PCDHGB1: variants seen among roughly 807,000 people sequenced by gnomAD.
PCDHGB1 encodes the protein protocadherin gamma-B1.
Under a neutral mutation model 56.6 loss-of-function variants are expected in PCDHGB1, and 34 were observed. The ratio of observed to expected loss-of-function variants is 0.60; its 90% confidence interval spans 0.46 to 0.80. PCDHGB1 has a LOEUF of 0.80. Ranked by LOEUF, PCDHGB1 falls within the 30% of genes least tolerant of loss-of-function variation. The probability of loss-of-function intolerance (pLI) is 0.00; values close to 1 mark genes in which losing one functional copy is unlikely to be tolerated. For synonymous variants in PCDHGB1, 561 were observed against 505.9 expected (o/e 1.11, Z -1.46); for missense variants, 1,278 against 1,204.6 (o/e 1.06, Z -0.90).
At chr5:141,361,701 T>C (rs376967719) in intron 1 of PCDHGB1, 149 of 1,613,218 alleles carry the variant, frequency 9.2e-5, no homozygotes, top group Non-Finnish European at 1.1e-4. Flanking sequence ...CCTTCGATCA[T>C]GAGCAGCTGC....
At chr5:141,437,104 T>C (rs539232057) in intron 1 of PCDHGB1, among the ~76,000 whole-genome samples, 1 of 152,338 alleles carries the variant, frequency 6.6e-6, no homozygotes, top group African/African-American at 2.4e-5. Flanking sequence ...GGCTTAGCTT[T>C]AGGATTTTTA....
At chr5:141,414,098 C>A in intron 1 of PCDHGB1, 1 of 1,594,212 alleles carries the variant, frequency 6.3e-7, no homozygotes, top group Non-Finnish European at 8.5e-7. Flanking sequence ...ATAAAAATAT[C>A]AGAAAATCTA....
chr5:141,447,849 G>A (rs2154561912), intron 1 of PCDHGB1, among the ~76,000 whole-genome samples: 1 of 152,306 alleles, frequency 6.6e-6, no homozygotes, highest in East Asian at 1.9e-4. Context: ...GCTTTGGGAG[G>A]CCGAGGTGGG....
At chr5:141,398,075 A>T in intron 1 of PCDHGB1, 1 of 1,592,106 alleles carries the variant, frequency 6.3e-7, no homozygotes, top group Non-Finnish European at 8.6e-7. Flanking sequence ...TACAGAGGTT[A>T]TTTGTAACCT....
At chr5:141,488,020 T>C (rs985558790) in intron 1 of PCDHGB1, among the ~76,000 whole-genome samples, 3 of 152,174 alleles carry the variant, frequency 2.0e-5, no homozygotes, top group African/African-American at 7.2e-5. Context: ...GTACCTTAAC[T>C]CTAGGTTACC....
In PCDHGB1 at chr5:141,511,125, A is replaced by T. The variant is rs755685600; in HGVS notation, c.2736A>T (p.Ala912=). Residue 912 remains alanine, a synonymous_variant, in exon 4 of 4, where the codon GCA becomes GCT. Transcript: ENST00000523390. ...GCAAGCGGGATGGCAAGGCCCCAGCAGGTGGCAATGGCAACAAGAAGAAGT... is the reference window on the plus strand; with the variant it reads ...GCAAGCGGGATGGCAAGGCCCCAGCTGGTGGCAATGGCAACAAGAAGAAGT... ...AAGKRDGKAP[A]GGNGNKKKSG... 2 of 1,614,216 alleles carry T rather than the reference A, an allele frequency of 1.2e-6. No individual in the cohort carries two copies. The highest frequency in any genetic ancestry group is 2.2e-5 in the South Asian group (2 of 91,092).
chr5:141,420,511 A>G (rs958868048), intron 1 of PCDHGB1: 23 of 419,992 alleles, frequency 5.5e-5, no homozygotes, highest in Middle Eastern at 6.5e-4. Context: ...ATTTTTATGA[A>G]GTAAAATACC....
intron 1 of PCDHGB1, chr5:141,405,642 T>C (rs2094697537): frequency 1.9e-6 from 1 of 528,606 alleles, no homozygotes; most frequent in Non-Finnish European, 3.3e-6. Flanking sequence ...GCCCGGCTAA[T>C]TTTTTGTGTG....
chr5:141,450,310 G>A (rs1364358879), intron 1 of PCDHGB1, among the ~76,000 whole-genome samples: 1 of 151,966 alleles, frequency 6.6e-6, no homozygotes, highest in Non-Finnish European at 1.5e-5. Context: ...ACCATGTGTG[G>A]CCTAGTTGCC....
Position 141,505,499 on chromosome 5 carries a change from G to T in PCDHGB1, c.2557+18G>T, listed in dbSNP as rs753203943. 4.3e-6 allele frequency: 7 copies of T among 1,614,172 alleles called. No individual in the cohort carries two copies. The South Asian group carries it at 7.7e-5, about 18-fold the overall frequency. ...CGCCAGTGGTAAGTGGTGTCAGTGTGTGTATGGAAGAGTGGGAGACCTGGG... is the reference window on the plus strand; with the variant it reads ...CGCCAGTGGTAAGTGGTGTCAGTGTTTGTATGGAAGAGTGGGAGACCTGGG... On this transcript the variant is annotated intron_variant, in intron 3 of 3. Coordinates refer to ENST00000523390, the MANE Select transcript of PCDHGB1 (RefSeq NM_018922.3).
At chr5:141,398,006 A>G in intron 1 of PCDHGB1, 1 of 1,396,152 alleles carries the variant, frequency 7.2e-7, no homozygotes. Context: ...TCGGAAAAAG[A>G]ATCGTTTCCT....
In PCDHGB1 at chr5:141,438,615, TATATATATATATATATATATACACAC is replaced by T. The variant is rs1337184558; in HGVS notation, c.2410-56190_2410-56165del. ...ACATATATATATATATATATATATATATATATATATATATATATATACACACACACACACACATATATGTATATATA... is the reference window on the plus strand; with the variant it reads ...ACATATATATATATATATATATATATACACACACACATATATGTATATATA... On this transcript the variant is annotated intron_variant, in intron 1 of 3. Coordinates refer to ENST00000523390, the MANE Select transcript of PCDHGB1 (RefSeq NM_018922.3). 3.6e-3 allele frequency among the ~76,000 whole-genome samples: 130 copies of T among 35,912 alleles called. 2 individuals are homozygous for T. Among genetic ancestry groups the T allele is most frequent in the African/African-American group, 0.022 (107 of 4,918 alleles). The allele number at this position is 35,912 out of a possible 152,430, so 23.6% of individuals were successfully genotyped here.
At chr5:141,423,758 G>GGGC (rs1554116874) in intron 1 of PCDHGB1, 82 of 366,752 alleles carry the variant, frequency 2.2e-4, no homozygotes, top group Middle Eastern at 4.2e-4. Context: ...TTTGGGGGGG[G>GGGC]GGTGGGGCGG....
At chr5:141,365,439 G>A (rs1010180647) in intron 1 of PCDHGB1, 3 of 1,613,890 alleles carry the variant, frequency 1.9e-6, no homozygotes, top group Non-Finnish European at 2.5e-6. Context: ...GCGCTGTTTA[G>A]CGTACATGAT....
At chr5:141,406,827 A>G (rs2094856328) in intron 1 of PCDHGB1, among the ~76,000 whole-genome samples, 1 of 152,242 alleles carries the variant, frequency 6.6e-6, no homozygotes, top group South Asian at 2.1e-4. Context: ...CTAGAAATGA[A>G]CTTGCATATC....
At chr5:141,369,230 G>A (rs1003711294) in intron 1 of PCDHGB1, among the ~76,000 whole-genome samples, 4 of 152,068 alleles carry the variant, frequency 2.6e-5, no homozygotes, top group Non-Finnish European at 4.4e-5. Flanking sequence ...TGGACAGGAA[G>A]ATTACTTATA....
chr5:141,481,871 G>T (rs372191396), intron 1 of PCDHGB1, among the ~76,000 whole-genome samples: 1 of 144,788 alleles, frequency 6.9e-6, no homozygotes, highest in Non-Finnish European at 1.5e-5. Context: ...CCGAGATCGC[G>T]CCACTGCACT....
Position 141,477,856 on chromosome 5 carries a change from G to T in PCDHGB1, c.2410-16951G>T, listed in dbSNP as rs773703641. ...CAGGTGGGAGCTCGGTGGAGATGCTGCCTCGAGGTACCTCAGCTGGCCACC... is the reference window on the plus strand; with the variant it reads ...CAGGTGGGAGCTCGGTGGAGATGCTTCCTCGAGGTACCTCAGCTGGCCACC... On this transcript the variant is annotated intron_variant, in intron 1 of 3. Coordinates refer to ENST00000523390, the MANE Select transcript of PCDHGB1 (RefSeq NM_018922.3). This position sits in a 1 kb window ranked among gnomAD's most constrained non-coding sequence, Gnocchi z 4.9. 1 of 1,613,474 alleles carries T rather than the reference G, an allele frequency of 6.2e-7. No homozygotes were observed. Among genetic ancestry groups the T allele is most frequent in the Non-Finnish European group, 8.5e-7 (1 of 1,179,854 alleles).
At chr5:141,360,638 A>G in intron 1 of PCDHGB1, 1 of 1,614,016 alleles carries the variant, frequency 6.2e-7, no homozygotes, top group Non-Finnish European at 8.5e-7. Context: ...AACTCACTAC[A>G]AAGATACCAC....
Sources: allele counts gnomAD v4.1 joint callset (sites outside exome capture counted in the v4.1 genomes callset), GRCh38; gene constraint gnomAD v4.1.1; non-coding constraint Gnocchi (gnomAD v3.1); transcripts MANE v1.5; gene names NCBI Gene and HGNC (gene_info 2026-07-23, HGNC 2026-07-21).